The following LNX1 variants were observed in gnomAD, a reference collection of about 807,000 sequenced individuals.
The protein encoded by LNX1 is ligand of numb-protein X 1.
A neutral mutation model predicts 68.4 loss-of-function variants in LNX1; 54 were observed. The observed-to-expected ratio is 0.79, with a 90% CI of 0.63 to 0.99. The LOEUF (loss-of-function observed/expected upper bound fraction) is 0.99. Ranked by LOEUF, LNX1 falls within the 50% of genes least tolerant of loss-of-function variation. The pLI, the probability that LNX1 is intolerant of heterozygous loss-of-function variation, is 0.00. For synonymous variants in LNX1, 336 were observed against 350.0 expected (o/e 0.96, Z 0.45); for missense variants, 906 against 926.4 (o/e 0.98, Z 0.29).
intron 1 of LNX1, chr4:53,575,788 G>C (rs887618645): frequency 6.4e-6 from 10 of 1,573,008 alleles, no homozygotes; most frequent in Non-Finnish European, 7.7e-6. Context: ...GAGTTTCTTG[G>C]GGGCCCAGCT....
chr4:53,540,139 TGA>T (rs1218542159), intron 2 of LNX1, among the ~76,000 whole-genome samples: 3 of 152,138 alleles, frequency 2.0e-5, no homozygotes, highest in Non-Finnish European at 4.4e-5. Context: ...CCCAGCACTT[TGA>T]GAGTCTGAGG....
chr4:53,569,625 A>T (rs1577730692), intron 2 of LNX1, among the ~76,000 whole-genome samples: 1 of 151,610 alleles, frequency 6.6e-6, no homozygotes, highest in African/African-American at 2.4e-5. Flanking sequence ...TGTTTAAAAC[A>T]CCAAAAGCAA....
intron 9 of LNX1, among the ~76,000 whole-genome samples, chr4:53,471,184 C>T (rs533130837): frequency 6.6e-6 from 1 of 151,382 alleles, no homozygotes; most frequent in South Asian, 2.1e-4. Flanking sequence ...AGAAATAATG[C>T]CGCATATCTA....
At chr4:53,499,277 G>A (rs1725303034) in intron 4 of LNX1, among the ~76,000 whole-genome samples, 1 of 152,096 alleles carries the variant, frequency 6.6e-6, no homozygotes, top group African/African-American at 2.4e-5. Flanking sequence ...TCCCACCTCA[G>A]CCTCCCAAGT....
At chr4:53,593,179 T>C (rs1269760631), upstream of LNX1, 1 of 152,138 alleles carries the variant, frequency 6.6e-6, no homozygotes, top group Non-Finnish European at 1.5e-5. Flanking sequence ...GTTTGATAAT[T>C]GAGAAACATC....
In LNX1 at chr4:53,470,844, A is replaced by G. The variant is rs893915120; in HGVS notation, c.1892+5909T>C. The stretch of plus-strand genomic sequence containing the variant: ...ACTGCTCAATGAAATAAAATAGGAT[A>G]CAAACAAATGGAAGAACATTCCATG... On this transcript the variant is annotated intron_variant, in intron 9 of 10. Transcript: ENST00000263925. 7.9e-5 allele frequency among the ~76,000 whole-genome samples: 12 copies of G among 152,188 alleles called. No individual in the cohort carries two copies. In the South Asian group the frequency reaches 1.2e-3, roughly 16 times the overall value.
intron 2 of LNX1, among the ~76,000 whole-genome samples, chr4:53,544,869 C>G (rs1428913520): frequency 6.6e-6 from 1 of 152,146 alleles, no homozygotes; most frequent in Admixed American, 6.5e-5. Context: ...GGCAATTGCC[C>G]AAAGACACAC....
chr4:53,637,952 G>C (rs116740871), intron 1 of LNX1, among the ~76,000 whole-genome samples: 4 of 152,146 alleles, frequency 2.6e-5, no homozygotes, highest in Non-Finnish European at 5.9e-5. Flanking sequence ...AAGAGAGAAG[G>C]CTCCCACTGT....
chr4:53,469,749 G>A (rs974192728), intron 9 of LNX1, among the ~76,000 whole-genome samples: 25 of 152,240 alleles, frequency 1.6e-4, no homozygotes, highest in African/African-American at 5.1e-4. Context: ...AGAAGAAATG[G>A]ATAAATTCCT....
chr4:53,540,378 C>T (rs1728666878), intron 2 of LNX1, among the ~76,000 whole-genome samples: 3 of 149,752 alleles, frequency 2.0e-5, no homozygotes, highest in African/African-American at 7.4e-5. Flanking sequence ...GAGACCCTGT[C>T]CCCGCCTCCC....
chr4:53,474,855 C>T (rs1236422749), intron 9 of LNX1, among the ~76,000 whole-genome samples: 1 of 152,200 alleles, frequency 6.6e-6, no homozygotes, highest in African/African-American at 2.4e-5. Flanking sequence ...CAACCTCCGC[C>T]TCCTGGGTTC....
chr4:53,490,191 G>T (rs531677411), intron 6 of LNX1, among the ~76,000 whole-genome samples: 1 of 152,226 alleles, frequency 6.6e-6, no homozygotes, highest in African/African-American at 2.4e-5. Context: ...ATTATCATTG[G>T]CTCTAGAAAT....
Position 53,476,976 on chromosome 4 carries a change from T to C in LNX1, c.1669A>G (p.Ile557Val), listed in dbSNP as rs1434673277. The part of the protein sequence containing the change: ...SRDGRIKTGD[I>V]LLNVDGVELT... ...TCGACCCCATCCACATTCAACAAAA[T>C]GTCACCTGATGGCCAGAGAAGCAGA... Residue 557 changes from isoleucine to valine, a missense_variant, in exon 9 of 11, where the codon ATT (isoleucine) becomes GTT (valine). Transcript: ENST00000263925. 3 of 1,613,386 alleles carry C rather than the reference T, an allele frequency of 1.9e-6. No individual in the cohort carries two copies. Among genetic ancestry groups the C allele is most frequent in the Non-Finnish European group, 2.5e-6 (3 of 1,179,570 alleles).
chr4:53,639,849 T>A (rs1734611305), intron 1 of LNX1, among the ~76,000 whole-genome samples: 1 of 152,106 alleles, frequency 6.6e-6, no homozygotes, highest in Non-Finnish European at 1.5e-5. Flanking sequence ...CTGAGCAACA[T>A]GGTGAAACCC....
intron 2 of LNX1, among the ~76,000 whole-genome samples, chr4:53,524,572 A>T (rs1727477126): frequency 6.6e-6 from 1 of 152,212 alleles, no homozygotes; most frequent in African/African-American, 2.4e-5. Flanking sequence ...AAAATGACAG[A>T]TCAAGAAATG....
chr4:53,652,132 G>A (rs111980455), intron 1 of LNX1: 3,354 of 152,196 alleles, frequency 0.022, 81 homozygotes, highest in South Asian at 0.036. Flanking sequence ...TAAATTGTAT[G>A]AGATTCTACC....
At chr4:53,591,247 C>T in intron 1 of LNX1, 141 bp downstream of exon 1, 3 of 275,226 alleles carry the variant, frequency 1.1e-5, no homozygotes, top group Non-Finnish European at 1.7e-5. Context: ...ACTCTTCTGT[C>T]TCAAAAAAGC....
At chr4:53,509,885 T>C (rs1726200852) in intron 2 of LNX1, among the ~76,000 whole-genome samples, 1 of 152,202 alleles carries the variant, frequency 6.6e-6, no homozygotes, top group Non-Finnish European at 1.5e-5. Flanking sequence ...ATCACTTCCA[T>C]TGAGTTGCCT....
At chr4:53,497,949 G>A (rs550000453) in intron 5 of LNX1, among the ~76,000 whole-genome samples, 4 of 152,314 alleles carry the variant, frequency 2.6e-5, no homozygotes, top group Non-Finnish European at 4.4e-5. Context: ...TACGAGCAGG[G>A]AGGGGTTTCT....
Sources: gnomAD v4.1 joint callset for allele counts (sites outside exome capture counted in the v4.1 genomes callset) on GRCh38, gnomAD v4.1.1 for gene constraint, MANE v1.5 for transcripts, NCBI Gene and HGNC (gene_info 2026-07-23, HGNC 2026-07-21) for gene names.